Variants in PLCB1 observed in about 807,000 individuals in gnomAD.
PLCB1 encodes 1-phosphatidylinositol 4,5-bisphosphate phosphodiesterase beta-1.
Under a neutral mutation model 161.8 loss-of-function variants are expected in PLCB1, and 46 were observed. That is an observed-to-expected ratio of 0.28 (90% CI 0.22 to 0.36). PLCB1 has a LOEUF of 0.36. PLCB1 is among the 10% of genes least tolerant of loss of function. PLCB1 has a pLI of 1.00. For missense variants in PLCB1, 1,016 were observed against 1,472.5 expected (o/e 0.69, Z 5.07); for synonymous variants, 517 against 503.7 (o/e 1.03, Z -0.35).
intron 2 of PLCB1, among the ~76,000 whole-genome samples, chr20:8,289,119 C>T (rs1159629): frequency 0.33 from 50,126 of 151,964 alleles, 8,631 homozygotes; most frequent in African/African-American, 0.42. Context: ...TTTTTCAACC[C>T]GGGTTCCCAT....
intron 11 of PLCB1, among the ~76,000 whole-genome samples, chr20:8,701,334 A>G (rs1298964902): frequency 6.6e-6 from 1 of 152,150 alleles, no homozygotes; most frequent in African/African-American, 2.4e-5. Context: ...CCCGCCTCAC[A>G]GCCTTTGCAC....
rs111729243 is a variant in PLCB1, at chr20:8,239,817, G to A, written c.177+89446G>A. 9.0e-3 allele frequency among the ~76,000 whole-genome samples: 1,373 copies of A among 152,012 alleles called. 25 individuals carry two copies. The highest frequency in any genetic ancestry group is 0.031 in the African/African-American group (1,287 of 41,518). ...GTTCACAAAGAGCCTTAGCACTGTGGCCACTAATGCACTGTAAAATGGGTT... is the reference window on the plus strand; with the variant it reads ...GTTCACAAAGAGCCTTAGCACTGTGACCACTAATGCACTGTAAAATGGGTT... On this transcript the variant is annotated intron_variant, in intron 2 of 31. Transcript: ENST00000338037.
At chr20:8,719,223 G>GTTTTTCA (rs1979494550) in intron 14 of PLCB1, among the ~76,000 whole-genome samples, 1 of 152,146 alleles carries the variant, frequency 6.6e-6, no homozygotes, top group South Asian at 2.1e-4. Flanking sequence ...GTTAAACATA[G>GTTTTTCA]GAACAATCAA....
At chr20:8,140,856 T>G (rs1381448711) in intron 1 of PLCB1, among the ~76,000 whole-genome samples, 2 of 152,056 alleles carry the variant, frequency 1.3e-5, no homozygotes, top group African/African-American at 4.8e-5. Context: ...TGGAGTGCAA[T>G]GGCGCAATCT....
chr20:8,588,757 C>T (rs1012732409), intron 3 of PLCB1, among the ~76,000 whole-genome samples: 1 of 152,172 alleles, frequency 6.6e-6, no homozygotes, highest in African/African-American at 2.4e-5. Context: ...ATACAATTCT[C>T]CTGTTTCAGC....
intron 2 of PLCB1, among the ~76,000 whole-genome samples, chr20:8,186,004 T>TA: frequency 6.6e-6 from 1 of 152,202 alleles, no homozygotes. Context: ...AAAACGTTGT[T>TA]AGTAGTATTC....
intron 3 of PLCB1, among the ~76,000 whole-genome samples, chr20:8,514,547 G>A (rs760063381): frequency 2.0e-5 from 3 of 151,848 alleles, no homozygotes; most frequent in Non-Finnish European, 4.4e-5. Context: ...GCATGGTGGT[G>A]TGCACCTGTA....
intron 31 of PLCB1, among the ~76,000 whole-genome samples, chr20:8,812,216 C>T (rs747296149): frequency 3.9e-5 from 6 of 152,034 alleles, no homozygotes; most frequent in East Asian, 1.9e-4. Context: ...GCCTTGGAAT[C>T]GTTGGAAGAA....
At chr20:8,551,679 A>C (rs1985780483) in intron 3 of PLCB1, among the ~76,000 whole-genome samples, 1 of 152,148 alleles carries the variant, frequency 6.6e-6, no homozygotes, top group Non-Finnish European at 1.5e-5. Flanking sequence ...GACAAACTGC[A>C]CCATCCCTGG....
At chr20:8,798,949 C>T (rs1004609965) in intron 31 of PLCB1, among the ~76,000 whole-genome samples, 1 of 152,126 alleles carries the variant, frequency 6.6e-6, no homozygotes, top group Non-Finnish European at 1.5e-5. Flanking sequence ...ATAATAGAAA[C>T]ATGCAAAGAA....
At chr20:8,762,937 T>G (rs935029665) in intron 25 of PLCB1, among the ~76,000 whole-genome samples, 2 of 152,234 alleles carry the variant, frequency 1.3e-5, no homozygotes, top group Non-Finnish European at 2.9e-5. Context: ...TGGTAACATT[T>G]TTTGTTCCCA....
chr20:8,758,269 C>T (rs1404741494), intron 24 of PLCB1, among the ~76,000 whole-genome samples: 1 of 150,774 alleles, frequency 6.6e-6, no homozygotes, highest in Non-Finnish European at 1.5e-5. Context: ...TTGTATCAGA[C>T]ACGCTTGAAC....
At chr20:8,666,823 A>G (rs1057061466) in intron 9 of PLCB1, among the ~76,000 whole-genome samples, 3 of 152,084 alleles carry the variant, frequency 2.0e-5, no homozygotes, top group African/African-American at 7.2e-5. Flanking sequence ...ATGTGTAGGG[A>G]AAAGCTTTAA....
intron 31 of PLCB1, among the ~76,000 whole-genome samples, chr20:8,795,844 A>G (rs1967679): frequency 6.7e-6 from 1 of 148,400 alleles, no homozygotes; most frequent in East Asian, 2.0e-4. Flanking sequence ...CACTGCATTC[A>G]AGCCTGGGCG....
intron 27 of PLCB1, among the ~76,000 whole-genome samples, chr20:8,786,673 T>C (rs1983500273): frequency 6.6e-6 from 1 of 150,998 alleles, no homozygotes; most frequent in African/African-American, 2.4e-5. Flanking sequence ...ATTAAATAAA[T>C]ACATGTGAAT....
chr20:8,562,099 C>T (rs1986159720), intron 3 of PLCB1, among the ~76,000 whole-genome samples: 1 of 151,978 alleles, frequency 6.6e-6, no homozygotes, highest in South Asian at 2.1e-4. Flanking sequence ...CAAAGTCTTT[C>T]AGAGCTGAGT....
chr20:8,239,049 AAG>A (rs775460111), intron 2 of PLCB1, among the ~76,000 whole-genome samples: 10 of 151,992 alleles, frequency 6.6e-5, no homozygotes, highest in African/African-American at 9.7e-5. Context: ...ATACAGGAAA[AAG>A]AGGGGATAGT....
intron 2 of PLCB1, among the ~76,000 whole-genome samples, chr20:8,225,487 A>G (rs1979632548): frequency 6.6e-6 from 1 of 152,196 alleles, no homozygotes; most frequent in South Asian, 2.1e-4. Context: ...GTATTTTAGA[A>G]TATTAGAATT....
chr20:8,557,648 T>C (rs1169221744), intron 3 of PLCB1, among the ~76,000 whole-genome samples: 1 of 151,958 alleles, frequency 6.6e-6, no homozygotes, highest in Admixed American at 6.6e-5. Context: ...ACACAACATT[T>C]TGAATTTAGT....
Sources: gnomAD v4.1 joint callset for allele counts (sites outside exome capture counted in the v4.1 genomes callset) on GRCh38, gnomAD v4.1.1 for gene constraint, MANE v1.5 for transcripts, NCBI Gene and HGNC (gene_info 2026-07-23, HGNC 2026-07-21) for gene names.